The following FBXL7 variants were observed in gnomAD, a reference collection of about 807,000 sequenced individuals.
FBXL7 encodes F-box/LRR-repeat protein 7.
A neutral mutation model predicts 38.3 loss-of-function variants in FBXL7; 12 were observed. The observed-to-expected ratio is 0.31, with a 90% CI of 0.20 to 0.51. The LOEUF (loss-of-function observed/expected upper bound fraction) is 0.51, where lower values mean the gene tolerates loss of function less well. Ranked by LOEUF, FBXL7 falls within the 20% of genes least tolerant of loss-of-function variation. FBXL7 has a pLI of 0.98. For missense variants in FBXL7, 567 were observed against 676.4 expected, an observed-to-expected ratio of 0.84 and a Z score of 1.79; for synonymous variants, 297 against 300.9, an observed-to-expected ratio of 0.99 and a Z score of 0.13.
intron 2 of FBXL7, among the ~76,000 whole-genome samples, chr5:15,861,875 G>A (rs528395602): frequency 6.6e-6 from 1 of 152,284 alleles, no homozygotes; most frequent in African/African-American, 2.4e-5. Flanking sequence ...TAAGGACCTA[G>A]GTTGCAGTAA....
At chr5:15,844,110 G>A (rs550151976) in intron 2 of FBXL7, among the ~76,000 whole-genome samples, 10 of 152,246 alleles carry the variant, frequency 6.6e-5, no homozygotes, top group Admixed American at 6.5e-4. Context: ...TAGCACAGGA[G>A]GGGGGACACA....
chr5:15,614,251 GTTCTT>G (rs373461403), intron 1 of FBXL7, among the ~76,000 whole-genome samples: 17,122 of 141,162 alleles, frequency 0.12, 947 homozygotes, highest in South Asian at 0.16. Flanking sequence ...AATAGCTTGC[GTTCTT>G]TTCTTTTCTT....
chr5:15,782,894 A>G (rs1005984241), intron 2 of FBXL7, among the ~76,000 whole-genome samples: 1 of 152,112 alleles, frequency 6.6e-6, no homozygotes, highest in Non-Finnish European at 1.5e-5. Flanking sequence ...AATCTAGGAA[A>G]TGAATTTTCC....
In FBXL7 at chr5:15,886,542, C is replaced by A. The variant is rs897593311; in HGVS notation, c.128-41348C>A. On this transcript the variant is annotated intron_variant, in intron 2 of 3. Coordinates refer to ENST00000504595, the MANE Select transcript of FBXL7 (RefSeq NM_012304.5). ...CCCAATGTATGTTGCTTAGTGCATC[C>A]CCAAAGTTACCCCCAGATAATCCCC... Among the ~76,000 whole-genome samples, 4 of 152,124 alleles carry A rather than the reference C, an allele frequency of 2.6e-5. No homozygotes were observed. The East Asian group carries it at 5.8e-4, about 22-fold the overall frequency.
intron 2 of FBXL7, among the ~76,000 whole-genome samples, chr5:15,866,462 T>G: frequency 6.6e-6 from 1 of 152,072 alleles, no homozygotes. Flanking sequence ...TGATCAGAAG[T>G]TTTCAAATGA....
At chr5:15,927,760 A>G in intron 2 of FBXL7, 130 bp from the exon 3 acceptor site, 1 of 862,978 alleles carries the variant, frequency 1.2e-6, no homozygotes, top group Non-Finnish European at 1.5e-6. Flanking sequence ...GGGCGACAAG[A>G]TCTTAAAAAA....
At chr5:15,817,006 A>G (rs1738032961) in intron 2 of FBXL7, among the ~76,000 whole-genome samples, 1 of 152,218 alleles carries the variant, frequency 6.6e-6, no homozygotes, top group African/African-American at 2.4e-5. Flanking sequence ...ATGCAAAGTT[A>G]TGTGGCTGAT....
intron 1 of FBXL7, among the ~76,000 whole-genome samples, chr5:15,516,492 A>G (rs1736940689): frequency 6.6e-6 from 1 of 152,126 alleles, no homozygotes; most frequent in South Asian, 2.1e-4. Flanking sequence ...TACTTTGCAT[A>G]TAGTTACTTG....
chr5:15,670,542 T>C (rs1742431066), intron 2 of FBXL7, among the ~76,000 whole-genome samples: 1 of 152,178 alleles, frequency 6.6e-6, no homozygotes, highest in African/African-American at 2.4e-5. Flanking sequence ...GGCTCACACC[T>C]GTAATCCCAG....
intron 2 of FBXL7, among the ~76,000 whole-genome samples, chr5:15,915,658 G>A (rs1447603758): frequency 6.6e-6 from 1 of 152,168 alleles, no homozygotes; most frequent in African/African-American, 2.4e-5. Context: ...ATCTTTTGCA[G>A]GGGACGCAAT....
intron 2 of FBXL7, among the ~76,000 whole-genome samples, chr5:15,696,117 T>A (rs1442224235): frequency 2.0e-5 from 3 of 152,238 alleles, no homozygotes; most frequent in Non-Finnish European, 4.4e-5. Context: ...TGAATACATC[T>A]GGCCGAAAGC....
At chr5:15,509,030 G>A (rs1736723916) in intron 1 of FBXL7, among the ~76,000 whole-genome samples, 1 of 152,106 alleles carries the variant, frequency 6.6e-6, no homozygotes, top group Admixed American at 6.6e-5. Context: ...ACCCTTAATT[G>A]TGTTTATGGT....
rs189095798 is a variant in FBXL7 at position 15,906,228 on chromosome 5, G to A, written c.128-21662G>A. On this transcript the variant is annotated intron_variant, in intron 2 of 3. Transcript: ENST00000504595. The stretch of plus-strand genomic sequence containing the variant: ...TGAGGAGCTTTACACATTGGTCAAT[G>A]CTATGTTATATAGTTACATTTAAAT... Among the ~76,000 whole-genome samples, 14 of 151,992 alleles carry A rather than the reference G, an allele frequency of 9.2e-5. No individual in the cohort carries two copies. In the East Asian group the frequency reaches 1.7e-3, roughly 19 times the overall value.
chr5:15,864,222 T>C (rs1739607255), intron 2 of FBXL7, among the ~76,000 whole-genome samples: 1 of 151,030 alleles, frequency 6.6e-6, no homozygotes, highest in Non-Finnish European at 1.5e-5. Flanking sequence ...GTCATTAGAA[T>C]TGTAAATCAA....
intron 2 of FBXL7, among the ~76,000 whole-genome samples, chr5:15,834,307 T>TATG (rs1473100511): frequency 1.3e-5 from 2 of 152,240 alleles, no homozygotes. Context: ...TACATGTTAA[T>TATG]ATGCAGATTT....
At chr5:15,709,784 A>C (rs1417843489) in intron 2 of FBXL7, among the ~76,000 whole-genome samples, 1 of 152,326 alleles carries the variant, frequency 6.6e-6, no homozygotes, top group East Asian at 1.9e-4. Context: ...TCCAAGATCA[A>C]GGTGCTGGCA....
chr5:15,848,367 A>T (rs374267038), intron 2 of FBXL7, among the ~76,000 whole-genome samples: 12 of 151,874 alleles, frequency 7.9e-5, no homozygotes, highest in East Asian at 7.7e-4. Flanking sequence ...TTCCGAGTGT[A>T]TATGCATGCA....
intron 2 of FBXL7, among the ~76,000 whole-genome samples, chr5:15,923,471 A>G (rs187810250): frequency 6.0e-4 from 92 of 152,326 alleles, no homozygotes; most frequent in Non-Finnish European, 1.1e-3. Context: ...ATGACAAGCT[A>G]TTCATAGTTT....
intron 1 of FBXL7, among the ~76,000 whole-genome samples, chr5:15,615,463 T>C (rs1281699764): frequency 6.6e-6 from 1 of 152,194 alleles, no homozygotes; most frequent in African/African-American, 2.4e-5. Flanking sequence ...AACTGCTGCA[T>C]TCGAAAAATG....
Sources: allele counts gnomAD v4.1 joint callset (sites outside exome capture counted in the v4.1 genomes callset), GRCh38; gene constraint gnomAD v4.1.1; transcripts MANE v1.5; gene names NCBI Gene and HGNC (gene_info 2026-07-23, HGNC 2026-07-21).